CTNNAL1: variants seen among roughly 807,000 people sequenced by gnomAD.
CTNNAL1 encodes the protein alpha-catulin.
CTNNAL1 carries 69 observed loss-of-function variants against 93.6 expected under a neutral mutation model. That is an observed-to-expected ratio of 0.74 (90% CI 0.61 to 0.90). The LOEUF is 0.90. Ranked by LOEUF, CTNNAL1 falls within the 40% of genes least tolerant of loss-of-function variation. The pLI, the probability that CTNNAL1 is intolerant of heterozygous loss-of-function variation, is 0.00. For synonymous variants in CTNNAL1, 286 were observed against 305.4 expected (o/e 0.94, Z 0.66); for missense variants, 836 against 862.0 (o/e 0.97, Z 0.38).
Position 109,013,306 on chromosome 9 carries a change from G to A in CTNNAL1, c.137C>T (p.Ser46Phe). 1 of 1,501,438 alleles carries A rather than the reference G, an allele frequency of 6.7e-7. No individual in the cohort carries two copies. The allele number at this position is 1,501,438 out of a possible 1,614,324, so 93.0% of individuals were successfully genotyped here. A position where few individuals can be genotyped will look rare whatever the true frequency, so the allele number is the denominator to read the frequency against. ...SVEQTLLPLV[S>F]QITTLINHKD... ...CCGCGCCAGGCGCCACTTTACCTGA[G>A]AAACCAGCGGGAGTAGCGTCTGCTC... The change falls in exon 1 of 19, where the codon TCT becomes TTT. Residue 46 changes from serine (S) to phenylalanine (F), a missense_variant. Coordinates refer to ENST00000325551, the MANE Select transcript of CTNNAL1 (RefSeq NM_003798.4).
At chr9:109,000,479 C>T (rs1336633794) in intron 1 of CTNNAL1, among the ~76,000 whole-genome samples, 1 of 152,064 alleles carries the variant, frequency 6.6e-6, no homozygotes, top group Non-Finnish European at 1.5e-5. Context: ...TGGGGGAGAA[C>T]TAATAATCAC....
At chr9:109,010,897 T>C (rs966346613) in intron 1 of CTNNAL1, among the ~76,000 whole-genome samples, 2 of 152,194 alleles carry the variant, frequency 1.3e-5, no homozygotes, top group Admixed American at 6.5e-5. Context: ...GCTTTTAGAG[T>C]ATGTACCATT....
chr9:108,989,345 TGAG>T (rs1347800947), intron 4 of CTNNAL1, among the ~76,000 whole-genome samples: 1 of 151,720 alleles, frequency 6.6e-6, no homozygotes, highest in Non-Finnish European at 1.5e-5. Context: ...TTGGGGAGAA[TGAG>T]GAGAAGAAGG....
intron 4 of CTNNAL1, among the ~76,000 whole-genome samples, chr9:108,986,343 C>T (rs886734258): frequency 6.7e-5 from 10 of 149,234 alleles, no homozygotes; most frequent in African/African-American, 2.5e-4. Context: ...CATGTCCCTA[C>T]AAAGGACATG....
At chr9:108,971,382 G>A (rs190418009) in intron 9 of CTNNAL1, among the ~76,000 whole-genome samples, 102 of 152,286 alleles carry the variant, frequency 6.7e-4, no homozygotes, top group African/African-American at 2.2e-3. Context: ...CATGGGTTCC[G>A]TTTTTTGTTT....
chr9:108,993,163 C>CCCTAAAA (rs1346749743), intron 2 of CTNNAL1, among the ~76,000 whole-genome samples: 1 of 152,156 alleles, frequency 6.6e-6, no homozygotes, highest in East Asian at 1.9e-4. Context: ...CCAAAGAATA[C>CCCTAAAA]CCTAAAACCC....
intron 2 of CTNNAL1, among the ~76,000 whole-genome samples, chr9:108,995,133 G>C (rs890492777): frequency 6.6e-6 from 1 of 152,078 alleles, no homozygotes. Flanking sequence ...GCTAAGTTTG[G>C]GTTAATTTGT....
chr9:109,006,948 G>A (rs1308173910), intron 1 of CTNNAL1, among the ~76,000 whole-genome samples: 1 of 152,198 alleles, frequency 6.6e-6, no homozygotes, highest in Non-Finnish European at 1.5e-5. Context: ...GCCAGGCGTG[G>A]CAGATCACAC....
chr9:109,003,545 C>G (rs1434118888), intron 1 of CTNNAL1, among the ~76,000 whole-genome samples: 1 of 152,188 alleles, frequency 6.6e-6, no homozygotes, highest in African/African-American at 2.4e-5. Flanking sequence ...GGACTTGAGT[C>G]TTAATCAAGG....
intron 3 of CTNNAL1, chr9:108,991,837 G>A (rs980191515): frequency 2.0e-6 from 1 of 487,836 alleles, no homozygotes; most frequent in Non-Finnish European, 3.6e-6. Flanking sequence ...CTTTGCCTAG[G>A]GAATTATCCA....
At chr9:108,952,126 G>A (rs1230699674) in intron 14 of CTNNAL1, 83 bp downstream of exon 14, 8 of 1,199,604 alleles carry the variant, frequency 6.7e-6, no homozygotes, top group Non-Finnish European at 8.0e-6. Flanking sequence ...ACTTTAACCT[G>A]TCAATGATTT....
intron 9 of CTNNAL1, among the ~76,000 whole-genome samples, chr9:108,971,572 T>TC (rs546909672): frequency 6.6e-6 from 1 of 152,030 alleles, no homozygotes; most frequent in Non-Finnish European, 1.5e-5. Flanking sequence ...AAATGGGAGT[T>TC]CCCCCCCTGT....
chr9:108,946,250 G>T (rs949892904), intron 15 of CTNNAL1, among the ~76,000 whole-genome samples: 1 of 147,476 alleles, frequency 6.8e-6, no homozygotes, highest in Non-Finnish European at 1.5e-5. Flanking sequence ...AGTGAGCCGA[G>T]ATCGTGCCAC....
chr9:108,982,679 G>C (rs1269188047), intron 6 of CTNNAL1, among the ~76,000 whole-genome samples: 2 of 152,218 alleles, frequency 1.3e-5, no homozygotes, highest in Non-Finnish European at 2.9e-5. Flanking sequence ...CAACAAGTTT[G>C]TACAGAGTGG....
At chr9:108,943,610 C>A in intron 17 of CTNNAL1, 93 bp downstream of exon 17, 1 of 979,668 alleles carries the variant, frequency 1.0e-6, no homozygotes, top group Non-Finnish European at 1.5e-6. Context: ...AAATAAATTG[C>A]CCTTCTGTGG....
intron 8 of CTNNAL1, 31 bp from the exon 9 acceptor site, chr9:108,972,864 G>GGGGGGGGCCCCCCCCCCCCCCCCC: frequency 7.0e-6 from 1 of 142,572 alleles, no homozygotes; most frequent in Non-Finnish European, 1.0e-5. Flanking sequence ...GGGGGGGTGG[G>GGGGGGGGCCCCCCCCCCCCCCCCC]AGGGTGGAGA....
chr9:109,002,573 G>A (rs1230537659), intron 1 of CTNNAL1, among the ~76,000 whole-genome samples: 1 of 152,166 alleles, frequency 6.6e-6, no homozygotes, highest in Non-Finnish European at 1.5e-5. Flanking sequence ...CGTCAAAGCA[G>A]ATTTTGAAGG....
intron 14 of CTNNAL1, among the ~76,000 whole-genome samples, chr9:108,949,468 G>C (rs1830495928): frequency 6.6e-6 from 1 of 152,224 alleles, no homozygotes; most frequent in Non-Finnish European, 1.5e-5. Context: ...AGCACTTTGG[G>C]AGGCCAAGGT....
intron 18 of CTNNAL1, 28 bp downstream of exon 18, chr9:108,942,933 T>C: frequency 6.2e-7 from 1 of 1,610,278 alleles, no homozygotes; most frequent in Non-Finnish European, 8.5e-7. Context: ...TTTTAAAGTA[T>C]GAGTCTAAAA....
Sources: allele counts gnomAD v4.1 joint callset (sites outside exome capture counted in the v4.1 genomes callset), GRCh38; gene constraint gnomAD v4.1.1; transcripts MANE v1.5; gene names NCBI Gene and HGNC (gene_info 2026-07-23, HGNC 2026-07-21).